The following MDGA2 variants were observed in gnomAD, a reference collection of about 807,000 sequenced individuals.
MDGA2 encodes the protein MAM domain-containing glycosylphosphatidylinositol anchor protein 2.
MDGA2 carries 40 observed loss-of-function variants against 117.8 expected under a neutral mutation model. The ratio of observed to expected loss-of-function variants is 0.34; its 90% CI spans 0.26 to 0.44. MDGA2 has a LOEUF of 0.44. Ranked by LOEUF, MDGA2 falls within the 20% of genes least tolerant of loss-of-function variation. MDGA2 has a pLI of 1.00. For synonymous variants in MDGA2, 452 were observed against 439.0 expected (o/e 1.03, Z -0.37); for missense variants, 1,123 against 1,250.6 (o/e 0.90, Z 1.54).
chr14:46,908,547 T>C (rs1883583719), intron 10 of MDGA2, among the ~76,000 whole-genome samples: 1 of 152,188 alleles, frequency 6.6e-6, no homozygotes, highest in African/African-American at 2.4e-5. Flanking sequence ...TCATAAGTTC[T>C]TATTCGTCAA....
intron 1 of MDGA2, among the ~76,000 whole-genome samples, chr14:47,419,850 T>A (rs1892543213): frequency 6.6e-6 from 1 of 152,020 alleles, no homozygotes; most frequent in East Asian, 1.9e-4. Context: ...ATTGGAGAGG[T>A]CTTTTTATTG....
rs1210933489 is a variant in MDGA2 at position 47,234,036 on chromosome 14, A to C, written c.421-15841T>G. On this transcript the variant is annotated intron_variant, in intron 2 of 16. Coordinates refer to ENST00000399232, the MANE Select transcript of MDGA2 (RefSeq NM_001113498.3). ...GTCTACCTGGCTAGTTCAAATTAAA[A>C]ACAGCAAAATATCTTTTTTAAATAT... 2.2e-4 allele frequency among the ~76,000 whole-genome samples: 33 copies of C among 152,124 alleles called. 1 individual carries two copies. The highest frequency in any genetic ancestry group is 2.2e-3 in the Admixed American group (33 of 15,274).
At chr14:46,974,233 A>G (rs1886371903) in intron 8 of MDGA2, among the ~76,000 whole-genome samples, 1 of 152,140 alleles carries the variant, frequency 6.6e-6, no homozygotes, top group South Asian at 2.1e-4. Context: ...CAAGACATAA[A>G]TAAATGAAAA....
chr14:47,674,807 ACT>A lies in MDGA2; in HGVS notation c.-13_-12del, dbSNP rs1255192318. ...ACTCCACACACTCATGCACACACAC[ACT>A]CACACACACTCACACACTCTCCCAC... On this transcript the variant is annotated 5_prime_UTR_variant, in exon 1 of 17. Coordinates refer to ENST00000399232, the MANE Select transcript of MDGA2 (RefSeq NM_001113498.3). 1.6e-6 allele frequency: 1 copy of A among 642,310 alleles called. No individual in the cohort carries two copies. The highest frequency in any genetic ancestry group is 2.8e-6 in the Non-Finnish European group (1 of 360,624). The allele number at this position is 642,310 out of a possible 1,614,324, so 39.8% of individuals were successfully genotyped here.
intron 1 of MDGA2, among the ~76,000 whole-genome samples, chr14:47,632,109 T>C (rs1162719886): frequency 6.6e-6 from 1 of 152,144 alleles, no homozygotes; most frequent in Non-Finnish European, 1.5e-5. Context: ...TGATGCCCTG[T>C]TTAATCTTTC....
intron 1 of MDGA2, among the ~76,000 whole-genome samples, chr14:47,635,392 T>G (rs1425367783): frequency 6.6e-6 from 1 of 152,156 alleles, no homozygotes; most frequent in East Asian, 1.9e-4. Flanking sequence ...CATCAATTTA[T>G]TCTCTCCTAA....
At chr14:47,561,141 G>GTTTGTTTTTTTT (rs1555332241) in intron 1 of MDGA2, among the ~76,000 whole-genome samples, 5 of 52,152 alleles carry the variant, frequency 9.6e-5, no homozygotes, top group African/African-American at 2.2e-4. Context: ...CTCTATCTTT[G>GTTTGTTTTTTTT]TTTTTTTTTT....
At chr14:47,275,786 C>A (rs938693055) in intron 2 of MDGA2, among the ~76,000 whole-genome samples, 1 of 152,050 alleles carries the variant, frequency 6.6e-6, no homozygotes, top group Non-Finnish European at 1.5e-5. Context: ...AGCAGAGAAG[C>A]GCCCGATCAT....
chr14:47,573,336 G>C (rs1391265226), intron 1 of MDGA2, among the ~76,000 whole-genome samples: 1 of 152,086 alleles, frequency 6.6e-6, no homozygotes, highest in Non-Finnish European at 1.5e-5. Context: ...AATATACATA[G>C]ACTATTACTA....
chr14:46,971,258 G>A (rs1351578207), intron 8 of MDGA2, among the ~76,000 whole-genome samples: 1 of 152,094 alleles, frequency 6.6e-6, no homozygotes, highest in Non-Finnish European at 1.5e-5. Flanking sequence ...ATACGTACCT[G>A]AATTTGCACA....
At chr14:46,994,763 G>A (rs1162280103) in intron 8 of MDGA2, among the ~76,000 whole-genome samples, 1 of 152,046 alleles carries the variant, frequency 6.6e-6, no homozygotes, top group East Asian at 1.9e-4. Context: ...TAAGTATAAA[G>A]CTTCTAAAAT....
At chr14:47,219,044 T>C (rs1436754751) in intron 2 of MDGA2, among the ~76,000 whole-genome samples, 1 of 152,000 alleles carries the variant, frequency 6.6e-6, no homozygotes, top group East Asian at 1.9e-4. Flanking sequence ...TGATACAAAA[T>C]AGAAAGTAAA....
At chr14:47,513,775 CCT>C (rs1258328924) in intron 1 of MDGA2, among the ~76,000 whole-genome samples, 5 of 152,160 alleles carry the variant, frequency 3.3e-5, no homozygotes, top group African/African-American at 1.2e-4. Context: ...AATTAATTGA[CCT>C]CTGTTTCTAA....
chr14:47,039,875 AT>A (rs1888999074), intron 7 of MDGA2, among the ~76,000 whole-genome samples: 1 of 151,972 alleles, frequency 6.6e-6, no homozygotes, highest in Non-Finnish European at 1.5e-5. Flanking sequence ...TAATTTTTAT[AT>A]ATTAAATAAC....
chr14:47,463,733 T>C (rs1197775216), intron 1 of MDGA2, among the ~76,000 whole-genome samples: 2 of 152,166 alleles, frequency 1.3e-5, no homozygotes, highest in Non-Finnish European at 2.9e-5. Context: ...CATTTTAAAA[T>C]CACCAGTTAT....
At chr14:47,111,562 T>C (rs1010983124) in intron 5 of MDGA2, among the ~76,000 whole-genome samples, 1 of 152,168 alleles carries the variant, frequency 6.6e-6, no homozygotes, top group Non-Finnish European at 1.5e-5. Context: ...AAAGCCTAAA[T>C]CCTGAAGTGT....
In MDGA2 at chr14:47,452,137, G is replaced by C. The variant is rs377027300; in HGVS notation, c.281-150587C>G. 7.5e-4 allele frequency among the ~76,000 whole-genome samples: 114 copies of C among 152,128 alleles called. 1 individual carries two copies. The highest frequency in any genetic ancestry group is 2.6e-3 in the African/African-American group (110 of 41,540). On this transcript the variant is annotated intron_variant, in intron 1 of 16. Coordinates refer to ENST00000399232, the MANE Select transcript of MDGA2 (RefSeq NM_001113498.3). ...AGCAGCATTGAGTGGTAACAAGCAG[G>C]CTATCACACATGTATAGGCAGGTCA...
intron 10 of MDGA2, among the ~76,000 whole-genome samples, chr14:46,914,760 C>T (rs1883837662): frequency 2.0e-5 from 3 of 152,008 alleles, no homozygotes; most frequent in African/African-American, 7.2e-5. Context: ...TCATCTCATA[C>T]ACAAATGCAT....
chr14:47,044,021 C>T (rs751273894), intron 7 of MDGA2, among the ~76,000 whole-genome samples: 1 of 151,840 alleles, frequency 6.6e-6, no homozygotes, highest in Non-Finnish European at 1.5e-5. Flanking sequence ...ATGTAAGCAT[C>T]AGGGTTTTTC....
Sources: gnomAD v4.1 joint callset for allele counts (sites outside exome capture counted in the v4.1 genomes callset) on GRCh38, gnomAD v4.1.1 for gene constraint, MANE v1.5 for transcripts, NCBI Gene and HGNC (gene_info 2026-07-23, HGNC 2026-07-21) for gene names.